ACOXL: variants seen among roughly 807,000 people sequenced by gnomAD.
The protein encoded by ACOXL is acyl-coenzyme A oxidase-like protein.
In ACOXL, 70 loss-of-function variants were observed where a neutral mutation model predicts 71.9. That is an observed-to-expected ratio of 0.97 (90% CI 0.80 to 1.19). ACOXL has a LOEUF of 1.19. ACOXL is among the 50% of genes most tolerant of loss of function. The pLI is 0.00. For synonymous variants in ACOXL, 253 were observed against 281.6 expected (o/e 0.90, Z 1.02); for missense variants, 703 against 736.3 (o/e 0.95, Z 0.52).
chr2:111,112,220 T>C (rs920716516), intron 17 of ACOXL, among the ~76,000 whole-genome samples: 30 of 152,226 alleles, frequency 2.0e-4, no homozygotes, highest in Non-Finnish European at 4.4e-5. Context: ...GGAATGTCAT[T>C]TTATGCTAAT....
rs568288826 is a variant in ACOXL at position 110,786,515 on chromosome 2, C to T, written c.159+1700C>T. 6.6e-5 allele frequency among the ~76,000 whole-genome samples: 10 copies of T among 152,258 alleles called. No individual in the cohort carries two copies. The South Asian group carries it at 1.5e-3, about 22-fold the overall frequency. The stretch of plus-strand genomic sequence containing the variant: ...TAAATAAATCCTGTCTCAGAAATAC[C>T]GGAGGATCCTGGTCCAGACTCTCAT... On this transcript the variant is annotated intron_variant, in intron 3 of 17. Coordinates refer to ENST00000439055, the MANE Select transcript of ACOXL (RefSeq NM_001142807.4).
chr2:110,972,049 T>C (rs182243989), intron 12 of ACOXL, among the ~76,000 whole-genome samples: 3 of 152,316 alleles, frequency 2.0e-5, no homozygotes, highest in African/African-American at 4.8e-5. Context: ...GATCACAATT[T>C]CTAAATGTGA....
intron 17 of ACOXL, among the ~76,000 whole-genome samples, chr2:111,104,477 T>C (rs1386672096): frequency 1.3e-5 from 2 of 152,222 alleles, no homozygotes; most frequent in Non-Finnish European, 2.9e-5. Context: ...TGATCCAGTC[T>C]CTTCACATCC....
intron 11 of ACOXL, among the ~76,000 whole-genome samples, chr2:110,932,566 T>A (rs1189655087): frequency 6.6e-6 from 1 of 152,078 alleles, no homozygotes; most frequent in Non-Finnish European, 1.5e-5. Flanking sequence ...GGGAGTGGAA[T>A]TGAGGTATAC....
At chr2:110,792,010 G>A (rs2105246707) in intron 3 of ACOXL, among the ~76,000 whole-genome samples, 1 of 152,222 alleles carries the variant, frequency 6.6e-6, no homozygotes, top group Admixed American at 6.5e-5. Flanking sequence ...CCAGCTCATG[G>A]CTGTATGGCC....
chr2:110,994,093 T>C (rs1274363809), intron 13 of ACOXL, among the ~76,000 whole-genome samples: 2 of 152,180 alleles, frequency 1.3e-5, no homozygotes, highest in Non-Finnish European at 2.9e-5. Flanking sequence ...CTGCAGCACG[T>C]GCAGTTCACA....
chr2:111,113,548 C>T (rs774438096), intron 17 of ACOXL, among the ~76,000 whole-genome samples: 2 of 152,154 alleles, frequency 1.3e-5, no homozygotes, highest in African/African-American at 4.8e-5. Context: ...CCTGGCCCTC[C>T]GGGATGGAAT....
At chr2:110,779,448 G>A (rs1683063018) in intron 2 of ACOXL, among the ~76,000 whole-genome samples, 1 of 152,218 alleles carries the variant, frequency 6.6e-6, no homozygotes, top group African/African-American at 2.4e-5. Flanking sequence ...TAAAAATGTT[G>A]TAGTACCTTG....
chr2:110,747,419 G>C (rs1212991365), intron 1 of ACOXL, among the ~76,000 whole-genome samples: 1 of 152,210 alleles, frequency 6.6e-6, no homozygotes, highest in African/African-American at 2.4e-5. Context: ...TATATCCATT[G>C]GCCACAGGAC....
At chr2:110,856,709 A>G (rs1693292823) in intron 10 of ACOXL, among the ~76,000 whole-genome samples, 1 of 152,240 alleles carries the variant, frequency 6.6e-6, no homozygotes, top group Non-Finnish European at 1.5e-5. Flanking sequence ...TGTGGGTGGA[A>G]GACATGGACA....
chr2:110,995,513 A>AAAAAAAAG (rs2063353443), intron 13 of ACOXL, among the ~76,000 whole-genome samples: 2 of 150,612 alleles, frequency 1.3e-5, no homozygotes, highest in Admixed American at 1.3e-4. Context: ...AAAAAAAAAA[A>AAAAAAAAG]AAAAAGAATT....
At chr2:111,109,760 C>A (rs1429835830) in intron 17 of ACOXL, among the ~76,000 whole-genome samples, 2 of 137,502 alleles carry the variant, frequency 1.5e-5, no homozygotes, top group African/African-American at 2.7e-5. Flanking sequence ...CTCACTGCAA[C>A]TTCTGCCTCC....
At chr2:110,988,931 T>A (rs954625957) in intron 13 of ACOXL, among the ~76,000 whole-genome samples, 1 of 151,676 alleles carries the variant, frequency 6.6e-6, no homozygotes, top group Non-Finnish European at 1.5e-5. Flanking sequence ...CTTTATCCTT[T>A]GTTGTTACAA....
At chr2:111,057,663 A>G (rs963448036) in intron 16 of ACOXL, among the ~76,000 whole-genome samples, 2 of 152,274 alleles carry the variant, frequency 1.3e-5, no homozygotes, top group Non-Finnish European at 2.9e-5. Flanking sequence ...GTGCATTTAC[A>G]CTTCGCCTAG....
intron 1 of ACOXL, among the ~76,000 whole-genome samples, chr2:110,747,070 G>T (rs1037614931): frequency 1.3e-5 from 2 of 152,116 alleles, no homozygotes; most frequent in African/African-American, 4.8e-5. Flanking sequence ...TGACATCCAG[G>T]AAGATTGTGA....
intron 10 of ACOXL, among the ~76,000 whole-genome samples, chr2:110,867,184 G>T (rs1694715231): frequency 6.6e-6 from 1 of 152,170 alleles, no homozygotes; most frequent in African/African-American, 2.4e-5. Flanking sequence ...GGGGATGAGG[G>T]AGGCAAGGAA....
chr2:111,007,574 G>T (rs2063936027), intron 14 of ACOXL, among the ~76,000 whole-genome samples: 1 of 152,242 alleles, frequency 6.6e-6, no homozygotes, highest in African/African-American at 2.4e-5. Flanking sequence ...GTGTCCCTTT[G>T]AAGTGCCTCT....
intron 12 of ACOXL, among the ~76,000 whole-genome samples, chr2:110,976,233 A>C (rs1464844423): frequency 6.6e-6 from 1 of 152,228 alleles, no homozygotes; most frequent in Non-Finnish European, 1.5e-5. Context: ...TGAAGGATGC[A>C]ACGGCTTCTC....
chr2:110,921,355 G>GCT (rs796257767), intron 11 of ACOXL, among the ~76,000 whole-genome samples: 59 of 133,324 alleles, frequency 4.4e-4, no homozygotes, highest in East Asian at 1.3e-3. Flanking sequence ...GCTCTCTCTT[G>GCT]CTCTCTCTCT....
Sources: gnomAD v4.1 joint callset for allele counts (sites outside exome capture counted in the v4.1 genomes callset) on GRCh38, gnomAD v4.1.1 for gene constraint, MANE v1.5 for transcripts, NCBI Gene and HGNC (gene_info 2026-07-23, HGNC 2026-07-21) for gene names.